KCNQ1: variants seen among roughly 807,000 people sequenced by gnomAD.
The protein encoded by KCNQ1 is potassium voltage-gated channel subfamily Q member 1, also known as potassium voltage-gated channel subfamily KQT member 1.
KCNQ1 carries 49 observed loss-of-function variants against 72.4 expected under a neutral mutation model. The ratio of observed to expected loss-of-function variants is 0.68; its 90% CI spans 0.54 to 0.86. The LOEUF (loss-of-function observed/expected upper bound fraction) is 0.86, where lower values mean the gene tolerates loss of function less well. KCNQ1 is among the 40% of genes least tolerant of loss of function. The pLI is 0.00. For missense variants in KCNQ1, 790 were observed against 945.1 expected (o/e 0.84, Z 2.15); for synonymous variants, 450 against 412.6 (o/e 1.09, Z -1.10).
Position 2,769,165 on chromosome 11 carries a change from T to C in KCNQ1, c.1590+246T>C, listed in dbSNP as rs1333360114. On this transcript the variant is annotated intron_variant, in intron 12 of 15. Coordinates refer to ENST00000155840, the MANE Select transcript of KCNQ1 (RefSeq NM_000218.3). This position sits in a 1 kb window ranked among gnomAD's most constrained non-coding sequence, Gnocchi z 4.6. ...AACCAGGGACACATGCAGTGTCTTC[T>C]TCACCAAGTAGAAGGCAGCAGCCGT... Among the ~76,000 whole-genome samples the C allele has an allele frequency of 2.0e-5, 3 of 152,106 alleles. No homozygotes were observed. Among genetic ancestry groups the C allele is most frequent in the African/African-American group, 7.2e-5 (3 of 41,412 alleles).
intron 1 of KCNQ1, among the ~76,000 whole-genome samples, chr11:2,476,828 G>A (rs1418483666): frequency 1.3e-5 from 2 of 152,026 alleles, no homozygotes; most frequent in Admixed American, 6.6e-5. Flanking sequence ...CTGGGTTTAC[G>A]GGCATGTGCC....
intron 10 of KCNQ1, chr11:2,618,208 G>A: frequency 2.5e-6 from 1 of 398,484 alleles, no homozygotes; most frequent in Non-Finnish European, 4.4e-6. Context: ...ATGGTGTAAG[G>A]CAGCGATATC....
chr11:2,835,753 T>C (rs1848050633), intron 15 of KCNQ1, among the ~76,000 whole-genome samples: 1 of 152,028 alleles, frequency 6.6e-6, no homozygotes, highest in Non-Finnish European at 1.5e-5. Context: ...AAGTAATTAC[T>C]TAAAGGAGGG....
At position 2,815,943 on chromosome 11, in the gene KCNQ1, G is replaced by C. The variant is rs373838412; in HGVS notation, c.1795-31824G>C. Among the ~76,000 whole-genome samples, 1 of 152,200 alleles carries C rather than the reference G, an allele frequency of 6.6e-6. No individual in the cohort carries two copies. The highest frequency in any genetic ancestry group is 1.9e-4 in the East Asian group (1 of 5,194). ...GCCGCACACCTGTCAGGGTGGAGGG[G>C]ACTTGGGGGACCAGCCAGCTGGATA... is the stretch of plus-strand genomic sequence containing the variant. On this transcript the variant is annotated intron_variant, in intron 15 of 15. Transcript: ENST00000155840. The surrounding 1 kb of genome is among the most constrained non-coding windows in gnomAD (Gnocchi z 5.4).
chr11:2,511,673 C>T (rs1467723099), intron 1 of KCNQ1, among the ~76,000 whole-genome samples: 1 of 152,216 alleles, frequency 6.6e-6, no homozygotes, highest in Non-Finnish European at 1.5e-5. Flanking sequence ...ATTCAATGCC[C>T]CATGCCAGGC....
chr11:2,512,074 T>C (rs1847216339), intron 1 of KCNQ1, among the ~76,000 whole-genome samples: 2 of 152,178 alleles, frequency 1.3e-5, no homozygotes, highest in South Asian at 4.1e-4. Flanking sequence ...CGTGCAAGAT[T>C]TGTGTCTCAT....
rs960657182 is a variant in KCNQ1 at position 2,848,349 on chromosome 11, G to A, written c.*346G>A. 6 of 555,408 alleles carry A rather than the reference G, an allele frequency of 1.1e-5. No homozygotes were observed. Among genetic ancestry groups the A allele is most frequent in the Admixed American group, 8.8e-5 (4 of 45,218 alleles). 34.4% of individuals were successfully genotyped at this position (555,408 alleles called of 1,614,324 possible). ...GTATGGCCAGGAAGTAGCACAGGCT[G>A]AGTGCAGGCCCACCCTGCTTGGCCC... is the stretch of plus-strand genomic sequence containing the variant. On this transcript the variant is annotated 3_prime_UTR_variant, in exon 16 of 16. Coordinates refer to ENST00000155840, the MANE Select transcript of KCNQ1 (RefSeq NM_000218.3).
chr11:2,794,013 T>G, intron 15 of KCNQ1, among the ~76,000 whole-genome samples: 1 of 152,024 alleles, frequency 6.6e-6, no homozygotes, highest in Non-Finnish European at 1.5e-5. Context: ...GCAAAGGCCC[T>G]AGGGCACGAG....
chr11:2,739,543 A>G (rs1332661606), intron 11 of KCNQ1, among the ~76,000 whole-genome samples: 3 of 152,216 alleles, frequency 2.0e-5, no homozygotes, highest in Non-Finnish European at 4.4e-5. Context: ...AAATACCACC[A>G]TTTCATTCTA....
At position 2,672,984 on chromosome 11, in the gene KCNQ1, C is replaced by A. The variant is rs1850214010; in HGVS notation, c.1514+10903C>A. 6 of 398,708 alleles carry A rather than the reference C, an allele frequency of 1.5e-5. No individual in the cohort carries two copies. The East Asian group carries it at 2.1e-4, about 14-fold the overall frequency. 24.7% of individuals were successfully genotyped at this position (398,708 alleles called of 1,614,324 possible). A position where few individuals can be genotyped will look rare whatever the true frequency, so the allele number is the denominator to read the frequency against. ...CCAGCTGAGTCCCCTGCAGGCCTTG[C>A]CTAAAGGAGAAGCCAGTGAATCAAT... is the stretch of plus-strand genomic sequence containing the variant. On this transcript the variant is annotated intron_variant, in intron 11 of 15. Transcript: ENST00000155840.
In KCNQ1 at chr11:2,478,540, A is replaced by G. The variant is rs975955205; in HGVS notation, c.386+33056A>G. ...AAGGGTTTCCCCTTATAAAACCATCAGATCTCGTGAGACTTATTCATTACC... is the reference window on the plus strand; with the variant it reads ...AAGGGTTTCCCCTTATAAAACCATCGGATCTCGTGAGACTTATTCATTACC... On this transcript the variant is annotated intron_variant, in intron 1 of 15. Coordinates refer to ENST00000155840, the MANE Select transcript of KCNQ1 (RefSeq NM_000218.3). The surrounding 1 kb of genome is among the most constrained non-coding windows in gnomAD (Gnocchi z 4.0). 6.6e-6 allele frequency among the ~76,000 whole-genome samples: 1 copy of G among 152,204 alleles called. No individual in the cohort carries two copies. The highest frequency in any genetic ancestry group is 6.5e-5 in the Admixed American group (1 of 15,286).
Position 2,601,981 on chromosome 11 carries a change from G to A in KCNQ1, c.1393+13127G>A, listed in dbSNP as rs1018302189. Among the ~76,000 whole-genome samples, 1 of 152,144 alleles carries A rather than the reference G, an allele frequency of 6.6e-6. No individual in the cohort carries two copies. Among genetic ancestry groups the A allele is most frequent in the African/African-American group, 2.4e-5 (1 of 41,430 alleles). On this transcript the variant is annotated intron_variant, in intron 10 of 15. Transcript: ENST00000155840. This position sits in a 1 kb window ranked among gnomAD's most constrained non-coding sequence, Gnocchi z 5.2. Reference sequence around the variant, plus strand: ...TGTGTCAAATTAAGGACCTTGAGATGGAGAGATCATCCTGGGTTATCTGAA... The same window carrying A: ...TGTGTCAAATTAAGGACCTTGAGATAGAGAGATCATCCTGGGTTATCTGAA...
In KCNQ1 at chr11:2,447,214, C is replaced by G. The variant is rs1383985926; in HGVS notation, c.386+1730C>G. 6.6e-6 allele frequency among the ~76,000 whole-genome samples: 1 copy of G among 152,126 alleles called. No individual in the cohort carries two copies. The highest frequency in any genetic ancestry group is 2.1e-4 in the South Asian group (1 of 4,832). ...TCTTCCTCATTTGGATTGTTTAGGT[C>G]TCGGAAGTTTGCTCAGCAAGAGTCT... On this transcript the variant is annotated intron_variant, in intron 1 of 15. Coordinates refer to ENST00000155840, the MANE Select transcript of KCNQ1 (RefSeq NM_000218.3). This position sits in a 1 kb window ranked among gnomAD's most constrained non-coding sequence, Gnocchi z 7.6.
intron 10 of KCNQ1, chr11:2,618,713 T>TA (rs1369520009): frequency 7.5e-6 from 3 of 398,426 alleles, no homozygotes; most frequent in East Asian, 3.6e-5. Flanking sequence ...CTTTAGAATT[T>TA]AAAAAAATTT....
At chr11:2,452,438 C>G (rs1258409270) in intron 1 of KCNQ1, among the ~76,000 whole-genome samples, 5 of 152,168 alleles carry the variant, frequency 3.3e-5, no homozygotes, top group Non-Finnish European at 5.9e-5. Flanking sequence ...GCAGCCCGGG[C>G]AGCTTAGAGG....
intron 11 of KCNQ1, among the ~76,000 whole-genome samples, chr11:2,708,303 GGGCCGCTGGCAT>G (rs1165077472): frequency 6.6e-6 from 1 of 152,182 alleles, no homozygotes; most frequent in Non-Finnish European, 1.5e-5. Flanking sequence ...TCTGCGGCCC[GGGCCGCTGGCAT>G]GGCTGAGCGG....
At chr11:2,519,325 T>A (rs1847340345) in intron 1 of KCNQ1, among the ~76,000 whole-genome samples, 1 of 152,244 alleles carries the variant, frequency 6.6e-6, no homozygotes, top group Admixed American at 6.5e-5. Context: ...GGCGTCCCTG[T>A]GCTGACACCA....
At position 2,679,336 on chromosome 11, in the gene KCNQ1, C is replaced by T. The variant is rs1850347359; in HGVS notation, c.1514+17255C>T. 5.0e-6 allele frequency: 2 copies of T among 398,526 alleles called. No homozygotes were observed. The highest frequency in any genetic ancestry group is 8.8e-6 in the Non-Finnish European group (2 of 226,080). The allele number at this position is 398,526 out of a possible 1,614,324, so 24.7% of individuals were successfully genotyped here. A position where few individuals can be genotyped will look rare whatever the true frequency, so the allele number is the denominator to read the frequency against. Reference sequence around the variant, plus strand: ...GGAGTCTGAACTCATATCCTAATTCCACTACTTTCTACCTGCTACACCTTG... The same window carrying T: ...GGAGTCTGAACTCATATCCTAATTCTACTACTTTCTACCTGCTACACCTTG... On this transcript the variant is annotated intron_variant, in intron 11 of 15. Transcript: ENST00000155840. This position sits in a 1 kb window ranked among gnomAD's most constrained non-coding sequence, Gnocchi z 4.8.
In KCNQ1 at chr11:2,669,926, A is replaced by C; in HGVS notation, c.1514+7845A>C. 2.5e-6 allele frequency: 1 copy of C among 398,660 alleles called. No individual in the cohort carries two copies. Among genetic ancestry groups the C allele is most frequent in the South Asian group, 1.3e-4 (1 of 7,854 alleles). 24.7% of individuals were successfully genotyped at this position (398,660 alleles called of 1,614,324 possible). A position where few individuals can be genotyped will look rare whatever the true frequency, so the allele number is the denominator to read the frequency against. Reference sequence around the variant, plus strand: ...AGGCCTGAGAGTCCCAAGCTCCAGGACAGTCTGGAGTCAGGTGGAGGGAAG... The same window carrying C: ...AGGCCTGAGAGTCCCAAGCTCCAGGCCAGTCTGGAGTCAGGTGGAGGGAAG... On this transcript the variant is annotated intron_variant, in intron 11 of 15. Transcript: ENST00000155840. The surrounding 1 kb of genome is among the most constrained non-coding windows in gnomAD (Gnocchi z 5.6).
Sources: allele counts gnomAD v4.1 joint callset (sites outside exome capture counted in the v4.1 genomes callset), GRCh38; gene constraint gnomAD v4.1.1; non-coding constraint Gnocchi (gnomAD v3.1); transcripts MANE v1.5; gene names NCBI Gene and HGNC (gene_info 2026-07-23, HGNC 2026-07-21).